Variants in ZRANB3 observed in about 807,000 individuals in gnomAD.
ZRANB3 encodes zinc finger RANBP2-type containing 3, also known as DNA annealing helicase and endonuclease ZRANB3.
In ZRANB3, 125 loss-of-function variants were observed where a neutral mutation model predicts 133.8. The ratio of observed to expected loss-of-function variants is 0.93; its 90% CI spans 0.81 to 1.08. The LOEUF is 1.08. Among genes scored for constraint, ZRANB3 ranks in the 50% least tolerant of loss-of-function variants. The pLI is 0.00. For synonymous variants in ZRANB3, 387 were observed against 432.7 expected (o/e 0.89, Z 1.31); for missense variants, 1,229 against 1,275.5 (o/e 0.96, Z 0.56).
At chr2:135,421,867 T>C (rs1478824194) in intron 2 of ZRANB3, among the ~76,000 whole-genome samples, 1 of 151,360 alleles carries the variant, frequency 6.6e-6, no homozygotes, top group African/African-American at 2.4e-5. Flanking sequence ...CCTTCTTGAA[T>C]ACTTTTATTT....
chr2:135,515,948 G>C (rs1378685333), intron 1 of ZRANB3, among the ~76,000 whole-genome samples: 2 of 152,140 alleles, frequency 1.3e-5, no homozygotes, highest in Non-Finnish European at 1.5e-5. Flanking sequence ...TTTGCTTTAT[G>C]AATCTAGGTG....
intron 2 of ZRANB3, among the ~76,000 whole-genome samples, chr2:135,468,090 C>T (rs920461787): frequency 6.6e-6 from 1 of 152,178 alleles, no homozygotes; most frequent in Non-Finnish European, 1.5e-5. Flanking sequence ...CTCACTTTAT[C>T]ATTTATTAGT....
Position 135,425,043 on chromosome 2 carries a change from G to A in ZRANB3, c.162-34223C>T, listed in dbSNP as rs142801131. Among the ~76,000 whole-genome samples, 4 of 152,246 alleles carry A rather than the reference G, an allele frequency of 2.6e-5. No individual in the cohort carries two copies. The East Asian group carries it at 7.7e-4, about 29-fold the overall frequency. On this transcript the variant is annotated intron_variant, in intron 2 of 20. Transcript: ENST00000264159. ...GGAATTCCAAAAACTAGACGGCAGAGGGAGCAATGCCTACAAATTCTGAGA... is the reference window on the plus strand; with the variant it reads ...GGAATTCCAAAAACTAGACGGCAGAAGGAGCAATGCCTACAAATTCTGAGA...
At chr2:135,233,172 C>G (rs540068504) in intron 12 of ZRANB3, among the ~76,000 whole-genome samples, 4 of 152,136 alleles carry the variant, frequency 2.6e-5, no homozygotes, top group Non-Finnish European at 4.4e-5. Context: ...CCGATTTGAT[C>G]AACTGGAAGA....
chr2:135,455,439 C>T (rs1215498457), intron 2 of ZRANB3, among the ~76,000 whole-genome samples: 4 of 151,538 alleles, frequency 2.6e-5, no homozygotes, highest in Non-Finnish European at 4.4e-5. Flanking sequence ...CCACCTGCCT[C>T]GGCCTCCCAA....
At chr2:135,324,364 G>A (rs530169334) in intron 6 of ZRANB3, among the ~76,000 whole-genome samples, 108 of 152,018 alleles carry the variant, frequency 7.1e-4, no homozygotes, top group African/African-American at 2.4e-3. Context: ...ACTTTGCTGA[G>A]AATGATGGTT....
At chr2:135,367,492 CTG>C (rs563657326) in intron 3 of ZRANB3, among the ~76,000 whole-genome samples, 7 of 152,126 alleles carry the variant, frequency 4.6e-5, no homozygotes, top group African/African-American at 1.7e-4. Flanking sequence ...TAAACAATCA[CTG>C]TGTGTGTGTT....
At chr2:135,414,855 CT>C (rs1688481780) in intron 2 of ZRANB3, among the ~76,000 whole-genome samples, 1 of 152,114 alleles carries the variant, frequency 6.6e-6, no homozygotes, top group South Asian at 2.1e-4. Flanking sequence ...TGAATGACTA[CT>C]GGGTATATAA....
At chr2:135,382,715 C>A (rs1433879923) in intron 3 of ZRANB3, among the ~76,000 whole-genome samples, 1 of 152,044 alleles carries the variant, frequency 6.6e-6, no homozygotes, top group East Asian at 1.9e-4. Flanking sequence ...AATTTTCAAC[C>A]CAGAATTTCA....
intron 1 of ZRANB3, among the ~76,000 whole-genome samples, chr2:135,514,509 T>A (rs558516906): frequency 6.6e-6 from 1 of 152,254 alleles, no homozygotes; most frequent in African/African-American, 2.4e-5. Flanking sequence ...GAGACACTGC[T>A]GAAGTTGCTT....
chr2:135,312,343 A>G (rs1434872627), intron 8 of ZRANB3, among the ~76,000 whole-genome samples: 1 of 151,926 alleles, frequency 6.6e-6, no homozygotes, highest in Non-Finnish European at 1.5e-5. Flanking sequence ...GATGACATGC[A>G]CACTACCATG....
intron 3 of ZRANB3, among the ~76,000 whole-genome samples, chr2:135,364,991 G>A (rs1249331788): frequency 6.6e-6 from 1 of 152,014 alleles, no homozygotes; most frequent in African/African-American, 2.4e-5. Context: ...AGAGGTTGCA[G>A]TGAACAGAGA....
chr2:135,405,081 C>T (rs1456552558), intron 2 of ZRANB3, among the ~76,000 whole-genome samples: 4 of 152,114 alleles, frequency 2.6e-5, no homozygotes, highest in Non-Finnish European at 4.4e-5. Context: ...ACCCATCTTA[C>T]GTGCAGAGAC....
At chr2:135,413,935 C>CTTT (rs1688432105) in intron 2 of ZRANB3, among the ~76,000 whole-genome samples, 1 of 151,894 alleles carries the variant, frequency 6.6e-6, no homozygotes, top group Admixed American at 6.6e-5. Context: ...CAGGCCTGCC[C>CTTT]TAAAAGAGCT....
chr2:135,304,785 A>T (rs889955337), intron 8 of ZRANB3, among the ~76,000 whole-genome samples: 5 of 152,040 alleles, frequency 3.3e-5, no homozygotes, highest in Admixed American at 6.6e-5. Flanking sequence ...CTATATATTC[A>T]TATAAATTTT....
At chr2:135,528,067 GT>G (rs1694232082) in intron 1 of ZRANB3, among the ~76,000 whole-genome samples, 1 of 151,968 alleles carries the variant, frequency 6.6e-6, no homozygotes. Flanking sequence ...GTGGTTAAGA[GT>G]TCAGGAATTA....
intron 2 of ZRANB3, among the ~76,000 whole-genome samples, chr2:135,410,008 C>A (rs1688230473): frequency 6.6e-6 from 1 of 152,132 alleles, no homozygotes; most frequent in Admixed American, 6.5e-5. Flanking sequence ...AATGGAAAAA[C>A]ATCTCATGCT....
At chr2:135,276,425 T>A (rs1680832416) in intron 8 of ZRANB3, among the ~76,000 whole-genome samples, 1 of 151,882 alleles carries the variant, frequency 6.6e-6, no homozygotes, top group Non-Finnish European at 1.5e-5. Context: ...GGGGGACATA[T>A]AGAACAATTA....
At chr2:135,485,163 C>T (rs1017322831) in intron 2 of ZRANB3, among the ~76,000 whole-genome samples, 1 of 146,104 alleles carries the variant, frequency 6.8e-6, no homozygotes, top group South Asian at 2.2e-4. Flanking sequence ...CAAAACAAAA[C>T]AAAACAAAAC....
Sources: allele counts gnomAD v4.1 joint callset (sites outside exome capture counted in the v4.1 genomes callset), GRCh38; gene constraint gnomAD v4.1.1; transcripts MANE v1.5; gene names NCBI Gene and HGNC (gene_info 2026-07-23, HGNC 2026-07-21).